NPHP4: variants seen among roughly 807,000 people sequenced by gnomAD.
NPHP4 encodes nephrocystin 4.
In NPHP4, 151 loss-of-function variants were observed where a neutral mutation model predicts 155.8. The observed-to-expected ratio is 0.97, with a 90% confidence interval of 0.85 to 1.11. The LOEUF (loss-of-function observed/expected upper bound fraction) is 1.11, where lower values mean the gene tolerates loss of function less well. NPHP4 is among the 50% of genes least tolerant of loss of function. NPHP4 has a pLI of 0.00. For synonymous variants in NPHP4, 845 were observed against 816.8 expected, an observed-to-expected ratio of 1.03 and a Z score of -0.59; for missense variants, 1,956 against 1,925.7, an observed-to-expected ratio of 1.02 and a Z score of -0.29.
At chr1:5,953,470 G>A (rs1385197524) in intron 6 of NPHP4, among the ~76,000 whole-genome samples, 1 of 152,178 alleles carries the variant, frequency 6.6e-6, no homozygotes, top group Non-Finnish European at 1.5e-5. Flanking sequence ...TGACACGTGC[G>A]GCCCTGCAGC....
intron 21 of NPHP4, 107 bp downstream of exon 21, chr1:5,874,767 C>T: frequency 6.6e-7 from 1 of 1,519,092 alleles, no homozygotes; most frequent in Middle Eastern, 2.0e-4. Flanking sequence ...AGAGAGAAGT[C>T]AAATCGCCCC....
At chr1:5,869,385 CT>C (rs1191982885) in intron 23 of NPHP4, among the ~76,000 whole-genome samples, 1 of 152,172 alleles carries the variant, frequency 6.6e-6, no homozygotes, top group Non-Finnish European at 1.5e-5. Flanking sequence ...CATGCACACA[CT>C]TCACACCTGC....
chr1:5,886,565 A>C (rs1202801718), intron 18 of NPHP4: 1 of 152,236 alleles, frequency 6.6e-6, no homozygotes, highest in Admixed American at 6.5e-5. Context: ...AACGTTCCAG[A>C]GGACCCTCGG....
At chr1:5,880,456 G>T (rs533329370) in intron 18 of NPHP4, 14 of 537,364 alleles carry the variant, frequency 2.6e-5, no homozygotes, top group Admixed American at 1.3e-4. Context: ...TTCTCCTGCC[G>T]TGTCAGTGGC....
chr1:5,933,366 T>C (rs747000921), intron 9 of NPHP4, 37 bp from the exon 10 acceptor site: 2 of 1,548,868 alleles, frequency 1.3e-6, no homozygotes, highest in African/African-American at 1.4e-5. Context: ...GTATGAGTTA[T>C]CACAGAAGTC....
chr1:5,947,296 C>G, intron 8 of NPHP4, 66 bp from the exon 9 acceptor site: 2 of 1,575,682 alleles, frequency 1.3e-6, no homozygotes, highest in Non-Finnish European at 1.7e-6. Context: ...GCATCCACGT[C>G]GACCACTGTC....
Position 5,867,193 on chromosome 1 carries a change from T to C in NPHP4, c.3473-78A>G. Reference sequence around the variant, plus strand: ...GGAGAAGGCCCCACACATTACACACTATAGGACAGGACAGGCTCGTCACAG... The same window carrying C: ...GGAGAAGGCCCCACACATTACACACCATAGGACAGGACAGGCTCGTCACAG... On this transcript the variant is annotated intron_variant, in intron 24 of 29. Transcript: ENST00000378156. This position sits in a 1 kb window ranked among gnomAD's most constrained non-coding sequence, Gnocchi z 4.1. 2 of 1,101,092 alleles carry C rather than the reference T, an allele frequency of 1.8e-6. No individual in the cohort carries two copies. The highest frequency in any genetic ancestry group is 2.7e-5 in the South Asian group (2 of 73,232). The allele number at this position is 1,101,092 out of a possible 1,614,324, so 68.2% of individuals were successfully genotyped here. A position where few individuals can be genotyped will look rare whatever the true frequency, so the allele number is the denominator to read the frequency against.
intron 25 of NPHP4, among the ~76,000 whole-genome samples, chr1:5,866,792 T>G (rs1641276729): frequency 6.6e-6 from 1 of 152,210 alleles, no homozygotes; most frequent in South Asian, 2.1e-4. Context: ...CTTTGCTTCG[T>G]GCCTTTTTAA....
In NPHP4 at chr1:5,905,097, G is replaced by T. The variant is rs1484648508; in HGVS notation, c.1955+195C>A. 3.3e-5 allele frequency among the ~76,000 whole-genome samples: 5 copies of T among 152,268 alleles called. No homozygotes were observed. Among genetic ancestry groups the T allele is most frequent in the African/African-American group, 1.2e-4 (5 of 41,542 alleles). On this transcript the variant is annotated intron_variant, in intron 15 of 29. Coordinates refer to ENST00000378156, the MANE Select transcript of NPHP4 (RefSeq NM_015102.5). This position sits in a 1 kb window ranked among gnomAD's most constrained non-coding sequence, Gnocchi z 4.0. ...ATTTTAATGAAGGACCACAAAAGAT[G>T]GGGTAAAGCAGCTTTCACAGCATTT...
chr1:5,915,276 C>T (rs759823027), intron 11 of NPHP4, among the ~76,000 whole-genome samples: 1 of 151,798 alleles, frequency 6.6e-6, no homozygotes, highest in Non-Finnish European at 1.5e-5. Flanking sequence ...ACAGATGGCC[C>T]CAAAAGGCAG....
At chr1:5,986,383 G>T in intron 1 of NPHP4, 56 bp from the exon 2 acceptor site, 1 of 1,409,958 alleles carries the variant, frequency 7.1e-7, no homozygotes, top group Non-Finnish European at 9.7e-7. Context: ...AGTGGTCACA[G>T]CAATCCTGAA....
Position 5,976,534 on chromosome 1 carries a change from G to C in NPHP4, c.279+1736C>G, listed in dbSNP as rs1023537035. ...TCCTGCCACAGCGCAGGCCCGAGGG[G>C]ACCCCCTGCCCGCGCTGAAACAGCA... On this transcript the variant is annotated intron_variant, in intron 3 of 29. Transcript: ENST00000378156. Among the ~76,000 whole-genome samples, 14 of 152,358 alleles carry C rather than the reference G, an allele frequency of 9.2e-5. No homozygotes were observed. In the East Asian group the frequency reaches 2.5e-3, roughly 27 times the overall value.
In NPHP4 at chr1:5,875,021, C is replaced by G; in HGVS notation, c.2897G>C (p.Ser966Thr). Residue 966 changes from serine to threonine, a missense_variant, in exon 21 of 30, where the codon AGC becomes ACC. Coordinates refer to ENST00000378156, the MANE Select transcript of NPHP4 (RefSeq NM_015102.5). ...AAYRERTKAE[S>T]IASLLSLAIT... ...GGCCAGGCTCAGCAGGCTGGCGATGCTCTCGGCCTTCGTGCGTTCCCGGTA... is the reference window on the plus strand; with the variant it reads ...GGCCAGGCTCAGCAGGCTGGCGATGGTCTCGGCCTTCGTGCGTTCCCGGTA... The G allele has an allele frequency of 6.2e-7, 1 of 1,610,998 alleles. No individual in the cohort carries two copies. Among genetic ancestry groups the G allele is most frequent in the Non-Finnish European group, 8.5e-7 (1 of 1,179,872 alleles).
rs1557584196 is a variant in NPHP4 at position 5,865,186 on chromosome 1, C to A, written c.3732G>T (p.Gln1244His). 1.9e-6 allele frequency: 3 copies of A among 1,612,476 alleles called. No individual in the cohort carries two copies. Among genetic ancestry groups the A allele is most frequent in the Non-Finnish European group, 2.5e-6 (3 of 1,179,380 alleles). ...GAAGGACAAGGGACAGGCGGGTCAGCTGGCCTGCGACGCAGGAGACATCCA... is the reference window on the plus strand; with the variant it reads ...GAAGGACAAGGGACAGGCGGGTCAGATGGCCTGCGACGCAGGAGACATCCA... Reference protein sequence around the residue: ...QRVDVSCVAGQLTRLSLVLRG... With the variant: ...QRVDVSCVAGHLTRLSLVLRG... Residue 1244 changes from glutamine (Q) to histidine (H), a missense_variant, in exon 27 of 30, where the codon CAG becomes CAT. Coordinates refer to ENST00000378156, the MANE Select transcript of NPHP4 (RefSeq NM_015102.5).
intron 23 of NPHP4, among the ~76,000 whole-genome samples, chr1:5,868,618 A>G (rs1641534443): frequency 6.6e-6 from 1 of 151,152 alleles, no homozygotes; most frequent in Admixed American, 6.6e-5. Context: ...GCACACGTGC[A>G]CACACATGCA....
Position 5,865,222 on chromosome 1 carries a change from G to A in NPHP4, c.3696C>T (p.Ser1232=), listed in dbSNP as rs1641087208. The change falls in exon 27 of 30, where the codon TCC becomes TCT. Residue 1232 remains serine (S), a synonymous_variant. Coordinates refer to ENST00000378156, the MANE Select transcript of NPHP4 (RefSeq NM_015102.5). The part of the protein sequence containing the change: ...PTQTWQVYLH[S]LQRVDVSCVA... ...CGCAGGAGACATCCACGCGCTGCAG[G>A]GAGTGGAGGTAGACCTGCCACGTCT... 2 of 1,602,340 alleles carry A rather than the reference G, an allele frequency of 1.2e-6. No individual in the cohort carries two copies. The highest frequency in any genetic ancestry group is 3.4e-5 in the Admixed American group (2 of 59,452).
intron 10 of NPHP4, among the ~76,000 whole-genome samples, chr1:5,930,245 G>T (rs12057626): frequency 0.029 from 4,409 of 152,136 alleles, 194 homozygotes; most frequent in African/African-American, 0.097. Flanking sequence ...ACAGGTTCTT[G>T]TTTCACTGGG....
rs1044176916 is a variant in NPHP4 at position 5,890,060 on chromosome 1, C to T, written c.2304+808G>A. On this transcript the variant is annotated intron_variant, in intron 17 of 29. Coordinates refer to ENST00000378156, the MANE Select transcript of NPHP4 (RefSeq NM_015102.5). The surrounding 1 kb of genome is among the most constrained non-coding windows in gnomAD (Gnocchi z 4.9). ...AGCGCAGCTGAAGGAGCAGAGGAGC[C>T]GTGCTTCTCAGGGGTCAGCAGCTGC... 2.0e-5 allele frequency among the ~76,000 whole-genome samples: 3 copies of T among 152,140 alleles called. No individual in the cohort carries two copies. The highest frequency in any genetic ancestry group is 7.2e-5 in the African/African-American group (3 of 41,426).
intron 16 of NPHP4, among the ~76,000 whole-genome samples, chr1:5,899,352 G>T (rs574845447): frequency 1.3e-5 from 2 of 152,310 alleles, no homozygotes; most frequent in Admixed American, 6.5e-5. Context: ...TACTGCTATA[G>T]ACAGAACAGG....
Sources: gnomAD v4.1 joint callset for allele counts (sites outside exome capture counted in the v4.1 genomes callset) on GRCh38, gnomAD v4.1.1 for gene constraint, Gnocchi (gnomAD v3.1) non-coding constraint, MANE v1.5 for transcripts, NCBI Gene and HGNC (gene_info 2026-07-23, HGNC 2026-07-21) for gene names.